The following TNIP3 variants were observed in gnomAD, a reference collection of about 807,000 sequenced individuals.
TNIP3 encodes TNFAIP3-interacting protein 3.
TNIP3 carries 34 observed loss-of-function variants against 54.1 expected under a neutral mutation model. That is an observed-to-expected ratio of 0.63 (90% CI 0.48 to 0.84). The LOEUF is 0.84. TNIP3 is among the 40% of genes least tolerant of loss of function. The pLI is 0.00. For synonymous variants in TNIP3, 134 were observed against 136.8 expected (o/e 0.98, Z 0.14); for missense variants, 366 against 387.6 (o/e 0.94, Z 0.47).
At chr4:121,177,890 A>G (rs1724455005) in intron 3 of TNIP3, among the ~76,000 whole-genome samples, 1 of 152,226 alleles carries the variant, frequency 6.6e-6, no homozygotes. Context: ...TATTTGAAAT[A>G]CCTGCAGAGG....
intron 2 of TNIP3, among the ~76,000 whole-genome samples, chr4:121,187,606 G>C (rs113065135): frequency 0.025 from 3,817 of 152,242 alleles, 158 homozygotes; most frequent in African/African-American, 0.086. Flanking sequence ...ATTTTGACAG[G>C]CATTTCTGCT....
upstream of TNIP3, among the ~76,000 whole-genome samples, chr4:121,217,215 G>A (rs1726834808): frequency 6.6e-6 from 1 of 152,128 alleles, no homozygotes; most frequent in South Asian, 2.1e-4. Context: ...TGCTTTAAAA[G>A]CCAATTCCTG....
At chr4:121,205,023 A>G (rs1726104369) in intron 2 of TNIP3, among the ~76,000 whole-genome samples, 1 of 152,036 alleles carries the variant, frequency 6.6e-6, no homozygotes, top group African/African-American at 2.4e-5. Flanking sequence ...ATTTTTCATT[A>G]TGGGTGTCTT....
intron 2 of TNIP3, chr4:121,182,841 A>T (rs1358933863): frequency 3.9e-6 from 6 of 1,530,012 alleles, no homozygotes; most frequent in Non-Finnish European, 5.2e-6. Flanking sequence ...AAAGGTAATT[A>T]AAAATTATTC....
chr4:121,182,641 A>G lies in TNIP3; in HGVS notation c.189+35T>C, dbSNP rs1374374378. 3.9e-6 allele frequency: 6 copies of G among 1,532,268 alleles called. No homozygotes were observed. The South Asian group carries it at 6.0e-5, about 15-fold the overall frequency. The allele number at this position is 1,532,268 out of a possible 1,614,324, so 94.9% of individuals were successfully genotyped here. A position where few individuals can be genotyped will look rare whatever the true frequency, so the allele number is the denominator to read the frequency against. ...CTTGATGAATAAACTGCTGAAGGGT[A>G]CATCGAGATAAGGAGAAAAAAGGTG... On this transcript the variant is annotated intron_variant, in intron 3 of 12. Transcript: ENST00000507879.
intron 10 of TNIP3, among the ~76,000 whole-genome samples, chr4:121,132,953 C>T (rs903207191): frequency 3.3e-5 from 5 of 152,048 alleles, no homozygotes; most frequent in African/African-American, 1.2e-4. Context: ...GGCATTTTGG[C>T]TTGGGCATGT....
intron 3 of TNIP3, among the ~76,000 whole-genome samples, chr4:121,173,564 A>G (rs986434093): frequency 1.3e-5 from 2 of 152,216 alleles, no homozygotes; most frequent in African/African-American, 4.8e-5. Flanking sequence ...ATCATTTTAT[A>G]GCAATGCAGA....
intron 6 of TNIP3, 56 bp downstream of exon 6, chr4:121,150,047 G>T: frequency 9.3e-7 from 1 of 1,077,360 alleles, no homozygotes; most frequent in Non-Finnish European, 1.4e-6. Flanking sequence ...GCCCAAAGAA[G>T]CATGAAAAAT....
intron 2 of TNIP3, among the ~76,000 whole-genome samples, chr4:121,191,642 C>CT (rs1725316483): frequency 6.6e-6 from 1 of 152,140 alleles, no homozygotes; most frequent in Non-Finnish European, 1.5e-5. Context: ...AGGTACAGTT[C>CT]CAAGTTGTGA....
At chr4:121,202,830 C>G (rs560808230) in intron 2 of TNIP3, among the ~76,000 whole-genome samples, 1 of 152,028 alleles carries the variant, frequency 6.6e-6, no homozygotes, top group Non-Finnish European at 1.5e-5. Flanking sequence ...AAACAATGCT[C>G]AATTCACTAA....
At chr4:121,167,766 A>T (rs1216506129), upstream of TNIP3, among the ~76,000 whole-genome samples, 2 of 152,210 alleles carry the variant, frequency 1.3e-5, no homozygotes, top group African/African-American at 4.8e-5. Context: ...TAGCAAAAGT[A>T]ATATTCAAAA....
At chr4:121,162,285 T>C (rs535495501) in intron 1 of TNIP3, among the ~76,000 whole-genome samples, 58 of 152,348 alleles carry the variant, frequency 3.8e-4, no homozygotes, top group African/African-American at 1.4e-3. Context: ...ATTTTAGGGT[T>C]TGATGGTATT....
In TNIP3 at chr4:121,144,471, G is replaced by A. The variant is rs139913843; in HGVS notation, c.736-1695C>T. ...GACTGGAATGCAGTGGCCCAATCTC[G>A]GCTCACTGCAACCTCTGCCTCCTGG... On this transcript the variant is annotated intron_variant, in intron 7 of 10. Coordinates refer to ENST00000057513, the MANE Select transcript of TNIP3 (RefSeq NM_024873.6). 6.9e-3 allele frequency among the ~76,000 whole-genome samples: 1,056 copies of A among 152,062 alleles called. 8 individuals carry two copies. The highest frequency in any genetic ancestry group is 0.024 in the African/African-American group (991 of 41,494).
intron 9 of TNIP3, among the ~76,000 whole-genome samples, chr4:121,140,310 G>A (rs1729040056): frequency 6.6e-6 from 1 of 151,606 alleles, no homozygotes; most frequent in Admixed American, 6.6e-5. Context: ...CTACAGCCTG[G>A]ATGACAGAGC....
intron 3 of TNIP3, among the ~76,000 whole-genome samples, chr4:121,174,631 C>T (rs957436732): frequency 1.3e-5 from 2 of 150,802 alleles, no homozygotes; most frequent in African/African-American, 2.4e-5. Flanking sequence ...TAATGACAAA[C>T]GTTTATTTTA....
intron 10 of TNIP3, among the ~76,000 whole-genome samples, chr4:121,136,852 T>C (rs1728814206): frequency 8.1e-6 from 1 of 123,638 alleles, no homozygotes; most frequent in Admixed American, 8.6e-5. Context: ...AGTAAGACTG[T>C]CTCCGAAAAA....
chr4:121,216,756 A>C (rs1261831964), upstream of TNIP3: 1 of 627,384 alleles, frequency 1.6e-6, no homozygotes, highest in Non-Finnish European at 2.4e-6. Flanking sequence ...ATCTCATGAC[A>C]GGGAGAAATT....
chr4:121,158,729 C>T lies in TNIP3; in HGVS notation c.171G>A (p.Trp57Ter). 1 of 1,612,454 alleles carries T rather than the reference C, an allele frequency of 6.2e-7. No individual in the cohort carries two copies. Residue 57 changes from tryptophan (W) to a stop codon, truncating the protein, a stop_gained, in exon 3 of 11, where the codon TGG becomes TGA. Coordinates refer to ENST00000057513, the MANE Select transcript of TNIP3 (RefSeq NM_024873.6). LOFTEE classifies it high-confidence loss of function. ...CTTTCATACTTCTAAATTGCTGATC[C>T]CATTGCTGGTTAACTTCCAGGAGCT... ...RKELLEVNQQWDQQFRSMKEL... is the reference protein window; with the variant it reads ...RKELLEVNQQ
At chr4:121,155,362 C>G (rs566416419) in intron 4 of TNIP3, among the ~76,000 whole-genome samples, 1 of 152,186 alleles carries the variant, frequency 6.6e-6, no homozygotes, top group East Asian at 1.9e-4. Context: ...AAAAAACTCT[C>G]ATTGTGAGAA....
Sources: allele counts gnomAD v4.1 joint callset (sites outside exome capture counted in the v4.1 genomes callset), GRCh38; gene constraint gnomAD v4.1.1; transcripts MANE v1.5; gene names NCBI Gene and HGNC (gene_info 2026-07-23, HGNC 2026-07-21).